The following FABP6 variants were observed in gnomAD, a reference collection of about 807,000 sequenced individuals.
FABP6 encodes the protein fatty acid binding protein 6, also known as gastrotropin.
FABP6 carries 13 observed loss-of-function variants against 14.9 expected under a neutral mutation model. That is an observed-to-expected ratio of 0.87 (90% CI 0.57 to 1.39). The LOEUF is 1.39. Among genes scored for constraint, FABP6 ranks in the 40% most tolerant of loss-of-function variants. The pLI is 0.00. For missense variants in FABP6, 161 were observed against 167.2 expected (o/e 0.96, Z 0.20); for synonymous variants, 75 against 63.6 (o/e 1.18, Z -0.85).
chr5:160,201,908 G>A (rs1759648893), intron 2 of FABP6, among the ~76,000 whole-genome samples: 1 of 152,146 alleles, frequency 6.6e-6, no homozygotes, highest in Non-Finnish European at 1.5e-5. Context: ...GACTGCAGGT[G>A]CACACCACCA....
At chr5:160,193,405 G>T (rs1295421819) in intron 1 of FABP6, among the ~76,000 whole-genome samples, 3 of 152,112 alleles carry the variant, frequency 2.0e-5, no homozygotes, top group Non-Finnish European at 4.4e-5. Context: ...AAGAGCAAAA[G>T]AACAAGGCTT....
Position 160,232,135 on chromosome 5 carries a change from C to G in FABP6, c.105C>G (p.Phe35Leu), listed in dbSNP as rs1307837561. The G allele has an allele frequency of 6.2e-7, 1 of 1,613,952 alleles. No individual in the cohort carries two copies. The highest frequency in any genetic ancestry group is 1.7e-5 in the Admixed American group (1 of 59,976). Residue 35 changes from phenylalanine (F) to leucine (L), a missense_variant, in exon 2 of 4, where the codon TTC (phenylalanine) becomes TTG (leucine). Coordinates refer to ENST00000402432, the MANE Select transcript of FABP6 (RefSeq NM_001445.3). ...ATGTAATCGAAAAGGCCCGCAACTT[C>G]AAGATCGTCACGGAGGTGCAGCAGG... ...SSDVIEKARN[F>L]KIVTEVQQDG...
intron 3 of FABP6, among the ~76,000 whole-genome samples, chr5:160,235,280 G>A (rs947587673): frequency 6.6e-6 from 1 of 152,138 alleles, no homozygotes; most frequent in Non-Finnish European, 1.5e-5. Context: ...GGTCCAGGTG[G>A]GCTCCTCAAA....
rs10692189 is a variant in FABP6, at chr5:160,218,461, C to CTTTTT, written c.135+4655_135+4659dup. Among the ~76,000 whole-genome samples, 1,065 of 116,376 alleles carry CTTTTT rather than the reference C, an allele frequency of 9.2e-3. 72 individuals carry two copies. Among genetic ancestry groups the CTTTTT allele is most frequent in the Non-Finnish European group, 0.012 (742 of 59,790 alleles). 76.3% of individuals were successfully genotyped at this position (116,376 alleles called of 152,430 possible). On this transcript the variant is annotated intron_variant, in intron 3 of 6. Coordinates refer to the FABP6 transcript ENST00000393980. ...TGGATTTTCTTATCTTAGTCTTTGA[C>CTTTTT]TTTTTTTTTTTTTTTTTGAGATGGA...
intron 3 of FABP6, among the ~76,000 whole-genome samples, chr5:160,237,737 A>G (rs1760547925): frequency 6.6e-6 from 1 of 152,054 alleles, no homozygotes. Flanking sequence ...TTACTGCCCA[A>G]TTCTACAGGT....
At chr5:160,193,709 G>A (rs2113057102) in intron 1 of FABP6, among the ~76,000 whole-genome samples, 1 of 152,294 alleles carries the variant, frequency 6.6e-6, no homozygotes, top group East Asian at 1.9e-4. Flanking sequence ...GACACAGGGT[G>A]CTGATTGGTG....
At chr5:160,210,772 A>G (rs1441138735) in intron 2 of FABP6, among the ~76,000 whole-genome samples, 1 of 152,208 alleles carries the variant, frequency 6.6e-6, no homozygotes, top group East Asian at 1.9e-4. Flanking sequence ...GAGCAATAGT[A>G]GTTCCCAATA....
chr5:160,219,501 C>T (rs1327883893), intron 3 of FABP6, among the ~76,000 whole-genome samples: 1 of 152,040 alleles, frequency 6.6e-6, no homozygotes, highest in Non-Finnish European at 1.5e-5. Context: ...TAGGTAAACC[C>T]AGGAGAAGAG....
At chr5:160,236,721 C>A (rs1760524347) in intron 3 of FABP6, among the ~76,000 whole-genome samples, 1 of 151,712 alleles carries the variant, frequency 6.6e-6, no homozygotes, top group Non-Finnish European at 1.5e-5. Flanking sequence ...CTTCTAATCC[C>A]AGCACTTTGG....
intron 3 of FABP6, among the ~76,000 whole-genome samples, chr5:160,224,027 A>T (rs991100627): frequency 6.6e-6 from 1 of 151,782 alleles, no homozygotes; most frequent in African/African-American, 2.4e-5. Context: ...ACGAGGTCAG[A>T]AGATCGAGAC....
intron 3 of FABP6, among the ~76,000 whole-genome samples, chr5:160,236,074 G>A (rs963196352): frequency 4.7e-5 from 7 of 149,470 alleles, no homozygotes; most frequent in African/African-American, 1.7e-4. Context: ...GGAGTTCAGT[G>A]GCATGATCTT....
chr5:160,225,471 G>A (rs942390513), upstream of FABP6, among the ~76,000 whole-genome samples: 2 of 146,032 alleles, frequency 1.4e-5, no homozygotes, highest in Non-Finnish European at 3.0e-5. Context: ...GTGTGATCTC[G>A]GCTCACTGCA....
intron 1 of FABP6, 157 bp from the exon 2 acceptor site, chr5:160,231,941 A>AC: frequency 1.4e-6 from 1 of 725,600 alleles, no homozygotes. Flanking sequence ...GGCTCACAGC[A>AC]CGTATTAGCT....
chr5:160,202,517 C>G (rs1371187517), intron 2 of FABP6, among the ~76,000 whole-genome samples: 2 of 152,172 alleles, frequency 1.3e-5, no homozygotes, highest in African/African-American at 4.8e-5. Flanking sequence ...ACTGGCTTGG[C>G]CGGGCGTGGT....
At chr5:160,223,509 C>T (rs1760177687) in intron 3 of FABP6, among the ~76,000 whole-genome samples, 1 of 151,624 alleles carries the variant, frequency 6.6e-6, no homozygotes, top group African/African-American at 2.4e-5. Flanking sequence ...GCAGCCTCTG[C>T]CTCCTGGGCT....
chr5:160,232,003 G>C, intron 1 of FABP6, 95 bp from the exon 2 acceptor site: 1 of 1,409,264 alleles, frequency 7.1e-7, no homozygotes, highest in Non-Finnish European at 9.7e-7. Flanking sequence ...TGCACAAGGG[G>C]GTAGGGCGGT....
intron 1 of FABP6, among the ~76,000 whole-genome samples, chr5:160,194,522 T>C (rs2113059468): frequency 6.6e-6 from 1 of 151,892 alleles, no homozygotes; most frequent in Admixed American, 6.5e-5. Context: ...GCCTGGGCAA[T>C]GGAGCAAGAC....
At chr5:160,206,667 A>AT (rs1225935677) in intron 2 of FABP6, among the ~76,000 whole-genome samples, 4 of 152,070 alleles carry the variant, frequency 2.6e-5, no homozygotes, top group Non-Finnish European at 4.4e-5. Flanking sequence ...TGGCAACATT[A>AT]TTTTTTCCTA....
intron 1 of FABP6, among the ~76,000 whole-genome samples, chr5:160,231,843 A>G (rs938005941): frequency 8.5e-5 from 13 of 152,210 alleles, no homozygotes; most frequent in Non-Finnish European, 1.5e-4. Context: ...TAATTCTTGT[A>G]ACAGCCTTTT....
Sources: allele counts gnomAD v4.1 joint callset (sites outside exome capture counted in the v4.1 genomes callset), GRCh38; gene constraint gnomAD v4.1.1; transcripts MANE v1.5; gene names NCBI Gene and HGNC (gene_info 2026-07-23, HGNC 2026-07-21).